Variants in TMEM14A observed in about 807,000 individuals in gnomAD.
The protein encoded by TMEM14A is transmembrane protein 14A.
In TMEM14A, 8 loss-of-function variants were observed where a neutral mutation model predicts 11.6. The observed-to-expected ratio is 0.69, with a 90% CI of 0.40 to 1.24. TMEM14A has a LOEUF of 1.24. Ranked by LOEUF, TMEM14A falls within the 50% of genes most tolerant of loss-of-function variation. The pLI is 0.01. For synonymous variants in TMEM14A, 34 were observed against 45.5 expected, an observed-to-expected ratio of 0.75 and a Z score of 1.02; for missense variants, 108 against 121.9, an observed-to-expected ratio of 0.89 and a Z score of 0.54.
chr6:52,685,926 C>T (rs998523109), intron 4 of TMEM14A, 84 bp from the exon 5 acceptor site: 35 of 1,334,844 alleles, frequency 2.6e-5, no homozygotes, highest in Non-Finnish European at 3.5e-5. Flanking sequence ...AGTAACACTA[C>T]TGGGTAGGCG....
intron 1 of TMEM14A, among the ~76,000 whole-genome samples, chr6:52,673,143 G>T (rs1383616108): frequency 3.3e-5 from 5 of 152,288 alleles, no homozygotes; most frequent in South Asian, 4.1e-4. Flanking sequence ...ATGCTCCCCT[G>T]TAGGGTAAAT....
chr6:52,671,533 T>C (rs911649997), intron 1 of TMEM14A, among the ~76,000 whole-genome samples: 4 of 152,110 alleles, frequency 2.6e-5, no homozygotes, highest in Admixed American at 2.6e-4. Flanking sequence ...TCATGGACCA[T>C]TGCAAAATGC....
At chr6:52,673,744 T>A (rs967953175) in intron 1 of TMEM14A, among the ~76,000 whole-genome samples, 1 of 152,190 alleles carries the variant, frequency 6.6e-6, no homozygotes, top group African/African-American at 2.4e-5. Flanking sequence ...GTCTTAGCAC[T>A]TACCATTGCT....
chr6:52,677,335 TG>T (rs1769276908), intron 2 of TMEM14A, among the ~76,000 whole-genome samples, 163 bp downstream of exon 2: 1 of 152,172 alleles, frequency 6.6e-6, no homozygotes, highest in Non-Finnish European at 1.5e-5. Context: ...GAGGCTTCCG[TG>T]GGGCTGAGCA....
chr6:52,686,038 T>C lies in TMEM14A; in HGVS notation c.289T>C (p.Leu97=). 6.2e-7 allele frequency: 1 copy of C among 1,612,272 alleles called. No homozygotes were observed. ...SLMMILRLVL[L]LL ...CATGATGATCCTGAGACTTGTCTTG[T>C]TGCTGCTCTGAGCATCTGGAGGAAC... Residue 97 remains leucine (L), a synonymous_variant, in exon 5 of 5, where the codon TTG becomes CTG. Transcript: ENST00000211314.
chr6:52,684,972 A>G (rs1259795186), intron 4 of TMEM14A, among the ~76,000 whole-genome samples: 6 of 152,246 alleles, frequency 3.9e-5, no homozygotes, highest in African/African-American at 1.4e-4. Context: ...TTACATTTTT[A>G]TGTTTTCAAA....
At chr6:52,678,655 C>T (rs1487290364) in intron 2 of TMEM14A, among the ~76,000 whole-genome samples, 3 of 152,110 alleles carry the variant, frequency 2.0e-5, no homozygotes, top group Non-Finnish European at 4.4e-5. Context: ...TGCCACTTAC[C>T]AGCACTGATA....
Position 52,686,199 on chromosome 6 carries a change from G to T in TMEM14A, c.*150G>T. 1.5e-6 allele frequency: 1 copy of T among 671,872 alleles called. No individual in the cohort carries two copies. The highest frequency in any genetic ancestry group is 2.2e-6 in the Non-Finnish European group (1 of 449,804). 41.6% of individuals were successfully genotyped at this position (671,872 alleles called of 1,614,324 possible). On this transcript the variant is annotated 3_prime_UTR_variant, in exon 5 of 5. Coordinates refer to ENST00000211314, the MANE Select transcript of TMEM14A (RefSeq NM_014051.4). ...CTAATATGAACATTAGTTTGAGGTAGTTTTTTTCTAAAGCAAAAATTTTAA... is the reference window on the plus strand; with the variant it reads ...CTAATATGAACATTAGTTTGAGGTATTTTTTTTCTAAAGCAAAAATTTTAA...
In TMEM14A at chr6:52,686,034, CTTG is replaced by C; in HGVS notation, c.289_291del (p.Leu99del). 6.2e-7 allele frequency: 1 copy of C among 1,611,866 alleles called. No individual in the cohort carries two copies. Among genetic ancestry groups the C allele is most frequent in the Non-Finnish European group, 8.5e-7 (1 of 1,179,008 alleles). On this transcript the variant is annotated inframe_deletion, in exon 5 of 5. Coordinates refer to ENST00000211314, the MANE Select transcript of TMEM14A (RefSeq NM_014051.4). The stretch of plus-strand genomic sequence containing the variant: ...GCCTCATGATGATCCTGAGACTTGT[CTTG>C]TTGCTGCTCTGAGCATCTGGAGGAA...
intron 2 of TMEM14A, among the ~76,000 whole-genome samples, chr6:52,678,949 C>T (rs1769312701): frequency 6.6e-6 from 1 of 152,128 alleles, no homozygotes; most frequent in African/African-American, 2.4e-5. Flanking sequence ...AGTTAACTCT[C>T]CTTTGACTTA....
At chr6:52,673,769 CT>C (rs1244311480) in intron 1 of TMEM14A, among the ~76,000 whole-genome samples, 1 of 152,162 alleles carries the variant, frequency 6.6e-6, no homozygotes, top group East Asian at 1.9e-4. Flanking sequence ...GCTGCCTTGC[CT>C]AAAGAAAATG....
intron 4 of TMEM14A, among the ~76,000 whole-genome samples, chr6:52,684,981 A>T (rs182408006): frequency 2.2e-4 from 33 of 152,370 alleles, no homozygotes; most frequent in Admixed American, 2.1e-3. Flanking sequence ...TATGTTTTCA[A>T]AAATGATTTG....
intron 3 of TMEM14A, 110 bp from the exon 4 acceptor site, chr6:52,683,968 C>A: frequency 1.0e-6 from 1 of 990,816 alleles, no homozygotes; most frequent in Non-Finnish European, 1.5e-6. Flanking sequence ...AACTCAGTAC[C>A]TATCCATAAT....
At chr6:52,681,014 A>G (rs1293389071) in intron 2 of TMEM14A, among the ~76,000 whole-genome samples, 1 of 151,900 alleles carries the variant, frequency 6.6e-6, no homozygotes, top group Non-Finnish European at 1.5e-5. Flanking sequence ...TATTTTAAAA[A>G]TGAGATGCTT....
At chr6:52,681,122 A>G (rs1769384412) in intron 2 of TMEM14A, among the ~76,000 whole-genome samples, 1 of 152,062 alleles carries the variant, frequency 6.6e-6, no homozygotes, top group African/African-American at 2.4e-5. Context: ...TGTCACTGCC[A>G]TGTAACCCAC....
intron 1 of TMEM14A, among the ~76,000 whole-genome samples, chr6:52,674,762 A>C (rs9382130): frequency 0.32 from 48,576 of 151,882 alleles, 9,784 homozygotes; most frequent in African/African-American, 0.55. Flanking sequence ...CCTGCAGATG[A>C]TGAGCATTTT....
At chr6:52,680,665 A>ATATACATATATG (rs1352415278) in intron 2 of TMEM14A, among the ~76,000 whole-genome samples, 711 of 47,122 alleles carry the variant, frequency 0.015, 38 homozygotes, top group African/African-American at 0.028. Context: ...GTGTATATAT[A>ATATACATATATG]TGTGTATATA....
At chr6:52,682,541 A>G (rs1769409439) in intron 3 of TMEM14A, among the ~76,000 whole-genome samples, 1 of 152,100 alleles carries the variant, frequency 6.6e-6, no homozygotes, top group South Asian at 2.1e-4. Flanking sequence ...GTATGGAAAA[A>G]AATATAAATG....
chr6:52,680,585 T>TATATATATATATATATATATATA (rs1561874901), intron 2 of TMEM14A, among the ~76,000 whole-genome samples: 1 of 33,262 alleles, frequency 3.0e-5, no homozygotes, highest in Non-Finnish European at 8.1e-5. Flanking sequence ...CACTATATAT[T>TATATATATATATATATATATATA]TATATATTTA....
Sources: allele counts gnomAD v4.1 joint callset (sites outside exome capture counted in the v4.1 genomes callset), GRCh38; gene constraint gnomAD v4.1.1; transcripts MANE v1.5; gene names NCBI Gene and HGNC (gene_info 2026-07-23, HGNC 2026-07-21).